The following MID1 variants were observed in gnomAD, a reference collection of about 807,000 sequenced individuals.
MID1 encodes the protein E3 ubiquitin-protein ligase Midline-1.
In MID1, 7 loss-of-function variants were observed where a neutral mutation model predicts 40.4. The ratio of observed to expected loss-of-function variants is 0.17; its 90% CI spans 0.10 to 0.33. The LOEUF (loss-of-function observed/expected upper bound fraction) is 0.33. MID1 is among the 10% of genes least tolerant of loss of function. The probability of loss-of-function intolerance (pLI) is 1.00; values close to 1 mark genes in which losing one functional copy is unlikely to be tolerated. For synonymous variants in MID1, 229 were observed against 221.2 expected, an observed-to-expected ratio of 1.04 and a Z score of -0.31; for missense variants, 367 against 558.5, an observed-to-expected ratio of 0.66 and a Z score of 3.46.
At chrX:10,474,264 CAGTT>C (rs1371610544) in intron 6 of MID1, among the ~76,000 whole-genome samples, 8 of 112,039 alleles carry the variant, frequency 7.1e-5, no homozygotes, top group Admixed American at 9.5e-5. Flanking sequence ...GACAACCAAT[CAGTT>C]AGCTGCCAAT....
chrX:10,778,474 A>AAAGGGAT (rs1196764388), intron 1 of MID1, among the ~76,000 whole-genome samples: 16 of 112,044 alleles, frequency 1.4e-4, no homozygotes, highest in African/African-American at 5.2e-4. Flanking sequence ...AGTAGAAGGA[A>AAAGGGAT]AAGGGATTTC....
chrX:10,558,442 A>G (rs1264469064), intron 2 of MID1, among the ~76,000 whole-genome samples: 2 of 113,117 alleles, frequency 1.8e-5, no homozygotes, highest in Middle Eastern at 4.6e-3. Flanking sequence ...TAATGCATCA[A>G]TTCTGCACAT....
intron 1 of MID1, among the ~76,000 whole-genome samples, chrX:10,720,055 G>T (rs1482193571): frequency 8.9e-6 from 1 of 111,826 alleles, no homozygotes; most frequent in Non-Finnish European, 1.9e-5. Context: ...ATTCAAGATG[G>T]ATTAAAGATT....
At chrX:10,779,999 C>G (rs2043833893) in intron 1 of MID1, among the ~76,000 whole-genome samples, 1 of 109,387 alleles carries the variant, frequency 9.1e-6, no homozygotes, top group Non-Finnish European at 1.9e-5. Flanking sequence ...GCTCTGTTGC[C>G]CAGGCTGGAG....
intron 1 of MID1, among the ~76,000 whole-genome samples, chrX:10,752,480 A>G (rs2043606532): frequency 1.8e-5 from 2 of 111,962 alleles, no homozygotes; most frequent in African/African-American, 6.5e-5. Flanking sequence ...TACCTGTGTC[A>G]CAGAACTGTT....
At chrX:10,756,349 G>A (rs1306206841) in intron 1 of MID1, among the ~76,000 whole-genome samples, 1 of 112,715 alleles carries the variant, frequency 8.9e-6, no homozygotes, top group Non-Finnish European at 1.9e-5. Flanking sequence ...TGCATGTTAG[G>A]AGCAAAGTAG....
chrX:10,689,108 A>G (rs2043116756), intron 1 of MID1, among the ~76,000 whole-genome samples: 1 of 110,420 alleles, frequency 9.1e-6, no homozygotes, highest in Non-Finnish European at 1.9e-5. Flanking sequence ...ATTATGTTAC[A>G]CCACTGAGGT....
chrX:10,495,678 C>T lies in MID1; in HGVS notation c.770G>A (p.Arg257His), dbSNP rs747668073. The T allele has an allele frequency of 1.3e-5, 15 of 1,194,675 alleles. No individual in the cohort carries two copies. Among genetic ancestry groups the T allele is most frequent in the South Asian group, 8.9e-5 (5 of 56,480 alleles). ...TCQHVEVNAS[R>H]QEAKLTEECD... ...CTCCTCTGTCAATTTGGCTTCTTGACGTGATGCATTGACCTACAGGATAAG... is the reference window on the plus strand; with the variant it reads ...CTCCTCTGTCAATTTGGCTTCTTGATGTGATGCATTGACCTACAGGATAAG... Residue 257 changes from arginine (R) to histidine (H), a missense_variant, in exon 4 of 10, where the codon CGT (arginine) becomes CAT (histidine). Coordinates refer to ENST00000317552, the MANE Select transcript of MID1 (RefSeq NM_000381.4).
At chrX:10,674,560 A>G (rs1209775513) in intron 1 of MID1, among the ~76,000 whole-genome samples, 7 of 112,523 alleles carry the variant, frequency 6.2e-5, no homozygotes, top group Non-Finnish European at 1.3e-4. Context: ...TCAGAAGATC[A>G]ACCTGGAAAG....
chrX:10,773,906 G>A (rs1445944265), intron 1 of MID1, among the ~76,000 whole-genome samples: 1 of 112,164 alleles, frequency 8.9e-6, no homozygotes, highest in East Asian at 2.8e-4. Context: ...AACTCCAAGA[G>A]TGATTATTAA....
intron 2 of MID1, among the ~76,000 whole-genome samples, chrX:10,564,375 C>T (rs1033486156): frequency 8.9e-6 from 1 of 112,182 alleles, no homozygotes; most frequent in Non-Finnish European, 1.9e-5. Flanking sequence ...ATCCAAATGT[C>T]ATAATTATTA....
At chrX:10,722,477 G>T (rs774586879) in intron 1 of MID1, among the ~76,000 whole-genome samples, 2 of 112,062 alleles carry the variant, frequency 1.8e-5, no homozygotes, top group South Asian at 7.4e-4. Context: ...TTAGTCAATC[G>T]TTTCTCCCCA....
chrX:10,461,168 T>TACACACACAC (rs1929017584), intron 7 of MID1, among the ~76,000 whole-genome samples: 5 of 100,067 alleles, frequency 5.0e-5, no homozygotes, highest in Admixed American at 2.1e-4. Flanking sequence ...CACACACACA[T>TACACACACAC]ATTTGGTCTT....
intron 5 of MID1, among the ~76,000 whole-genome samples, chrX:10,480,158 A>G (rs138881992): frequency 1.1e-4 from 12 of 112,280 alleles, no homozygotes; most frequent in Admixed American, 3.8e-4. Context: ...AAATTTTTAC[A>G]GGCTCTGTGA....
At chrX:10,530,734 A>T (rs1602356613) in intron 2 of MID1, among the ~76,000 whole-genome samples, 1 of 111,880 alleles carries the variant, frequency 8.9e-6, no homozygotes, top group East Asian at 2.8e-4. Context: ...ACACCAGCAG[A>T]GAATAGTAAA....
intron 1 of MID1, among the ~76,000 whole-genome samples, chrX:10,828,068 G>A (rs1226235721): frequency 3.6e-5 from 4 of 111,598 alleles, no homozygotes; most frequent in Admixed American, 9.5e-5. Context: ...AAAACATTGT[G>A]TTATAGATTA....
chrX:10,567,126 T>C lies in MID1; in HGVS notation c.422A>G (p.Tyr141Cys). The C allele has an allele frequency of 8.3e-7, 1 of 1,211,736 alleles. No individual in the cohort carries two copies. Among genetic ancestry groups the C allele is most frequent in the Non-Finnish European group, 1.1e-6 (1 of 895,409 alleles). Residue 141 changes from tyrosine to cysteine, a missense_variant, in exon 2 of 10, where the codon TAC (tyrosine) becomes TGC (cysteine). By Grantham distance (194) the Tyr-to-Cys change is radical. Around this residue, in one of 3 missense-constraint regions of MID1, gnomAD observed 14 missense variants for 62.8 expected, o/e 0.22. Transcript: ENST00000317552. ...VKTCVTCEVS[Y>C]CDECLKATHP... is the part of the protein sequence containing the mutation. ...AGTGGCTTTCAGGCACTCGTCACAG[T>C]AGGATACTTCACAAGTGACACAGGT...
intron 1 of MID1, among the ~76,000 whole-genome samples, chrX:10,745,857 G>C (rs1340682060): frequency 1.8e-5 from 2 of 112,355 alleles, no homozygotes; most frequent in Non-Finnish European, 3.8e-5. Context: ...ATGTAAAGAA[G>C]GGGGTTGAAT....
At position 10,567,050 on chromosome X, in the gene MID1, C is replaced by T. The variant is rs7391874; in HGVS notation, c.498G>A (p.Pro166=). The T allele has an allele frequency of 2.2e-3, 2,712 of 1,209,747 alleles. 60 individuals carry two copies. The Admixed American group carries it at 0.049, about 22-fold the overall frequency. Residue 166 remains proline (P), a synonymous_variant, in exon 2 of 10, where the codon CCG becomes CCA. Coordinates refer to ENST00000317552, the MANE Select transcript of MID1 (RefSeq NM_000381.4). ...ACATCAGCCCCCGGATGTGAGAGTC[C>T]GGAATTGGCTCAATCAGACGATGGC... ...FTGHRLIEPI[P]DSHIRGLMCL...
Sources: gnomAD v4.1 joint callset for allele counts (sites outside exome capture counted in the v4.1 genomes callset) on GRCh38, gnomAD v4.1.1 for gene constraint, gnomAD v4.1.1 regional missense constraint, MANE v1.5 for transcripts, NCBI Gene and HGNC (gene_info 2026-07-23, HGNC 2026-07-21) for gene names.